TBL1X: variants seen among roughly 807,000 people sequenced by gnomAD.
The protein encoded by TBL1X is F-box-like/WD repeat-containing protein TBL1X.
TBL1X carries 10 observed loss-of-function variants against 50.7 expected under a neutral mutation model. That is an observed-to-expected ratio of 0.20 (90% CI 0.12 to 0.33). The LOEUF is 0.33. TBL1X is among the 10% of genes least tolerant of loss of function. The probability of loss-of-function intolerance (pLI) is 1.00; values close to 1 mark genes in which losing one functional copy is unlikely to be tolerated. For synonymous variants in TBL1X, 190 were observed against 214.7 expected (o/e 0.88, Z 1.01); for missense variants, 340 against 504.4 (o/e 0.67, Z 3.12).
intron 1 of TBL1X, among the ~76,000 whole-genome samples, chrX:9,467,885 A>C (rs771785768): frequency 8.9e-6 from 1 of 112,334 alleles, no homozygotes; most frequent in South Asian, 3.7e-4. Flanking sequence ...GAGACGTTTC[A>C]GATCTCCAGG....
At chrX:9,707,778 C>T (rs2083218307) in intron 13 of TBL1X, among the ~76,000 whole-genome samples, 1 of 112,035 alleles carries the variant, frequency 8.9e-6, no homozygotes, top group Non-Finnish European at 1.9e-5. Flanking sequence ...CCCTCAGCCC[C>T]CTCTCCAGTC....
At chrX:9,694,136 C>T (rs1204838137) in intron 11 of TBL1X, among the ~76,000 whole-genome samples, 1 of 108,840 alleles carries the variant, frequency 9.2e-6, no homozygotes, top group African/African-American at 3.4e-5. Flanking sequence ...TGGCTGGAGT[C>T]ATGAGCGGAG....
At chrX:9,596,358 G>A (rs962963171) in intron 2 of TBL1X, among the ~76,000 whole-genome samples, 13 of 112,199 alleles carry the variant, frequency 1.2e-4, no homozygotes, top group Middle Eastern at 9.3e-3. Flanking sequence ...TAGAAAACAA[G>A]GGGTCAGCAA....
intron 16 of TBL1X, 99 bp downstream of exon 16, chrX:9,711,875 T>C (rs969023263): frequency 1.0e-6 from 1 of 973,043 alleles, no homozygotes; most frequent in Non-Finnish European, 1.4e-6. Flanking sequence ...CGGAGGGAGT[T>C]GAGCAAGCTC....
intron 5 of TBL1X, among the ~76,000 whole-genome samples, chrX:9,657,634 C>A (rs904521401): frequency 3.6e-5 from 4 of 112,572 alleles, no homozygotes; most frequent in African/African-American, 1.3e-4. Flanking sequence ...TTTTAGCAAA[C>A]CACATATATT....
intron 2 of TBL1X, among the ~76,000 whole-genome samples, chrX:9,601,543 A>G (rs1430156950): frequency 9.0e-6 from 1 of 111,084 alleles, no homozygotes; most frequent in African/African-American, 3.3e-5. Context: ...CATAAGGCCT[A>G]GTGGTGTCTT....
At chrX:9,710,781 A>G (rs752029773) in intron 15 of TBL1X, among the ~76,000 whole-genome samples, 3 of 112,269 alleles carry the variant, frequency 2.7e-5, no homozygotes, top group African/African-American at 6.5e-5. Context: ...GGGTCTCCCT[A>G]TGTTACCCAG....
chrX:9,651,991 G>A (rs1034588096), intron 3 of TBL1X, among the ~76,000 whole-genome samples: 2 of 111,971 alleles, frequency 1.8e-5, no homozygotes, highest in Admixed American at 9.5e-5. Flanking sequence ...TGCGGGTCAC[G>A]GGTCCAGGCA....
intron 2 of TBL1X, among the ~76,000 whole-genome samples, chrX:9,613,169 A>G (rs1450643849): frequency 1.8e-5 from 2 of 111,688 alleles, no homozygotes; most frequent in African/African-American, 6.5e-5. Flanking sequence ...CCAGAAAAAA[A>G]TGCTATGGGT....
intron 5 of TBL1X, among the ~76,000 whole-genome samples, chrX:9,681,943 C>T (rs1249942777): frequency 1.8e-5 from 2 of 112,327 alleles, no homozygotes; most frequent in African/African-American, 6.5e-5. Context: ...CGTGAGTGGC[C>T]CCCATCAGCC....
chrX:9,626,221 A>G (rs998836885), intron 2 of TBL1X, among the ~76,000 whole-genome samples: 1 of 111,400 alleles, frequency 9.0e-6, no homozygotes, highest in African/African-American at 3.3e-5. Context: ...GAGATTCTGT[A>G]TGTTTTTTGA....
chrX:9,555,579 T>G (rs2082293202), intron 2 of TBL1X, among the ~76,000 whole-genome samples: 1 of 111,344 alleles, frequency 9.0e-6, no homozygotes, highest in Non-Finnish European at 1.9e-5. Context: ...AGTTGCTGAG[T>G]CATATGGCAA....
At chrX:9,581,705 T>C (rs947760372) in intron 2 of TBL1X, among the ~76,000 whole-genome samples, 2 of 112,201 alleles carry the variant, frequency 1.8e-5, no homozygotes, top group Admixed American at 1.9e-4. Context: ...AGAAGGTTTA[T>C]CTGCCAAAGA....
chrX:9,499,026 A>G (rs907077848), intron 1 of TBL1X, among the ~76,000 whole-genome samples: 1 of 111,804 alleles, frequency 8.9e-6, no homozygotes, highest in African/African-American at 3.3e-5. Context: ...TTCAGAGAGC[A>G]GTGCAGTGGC....
At chrX:9,559,084 C>T (rs2082313434) in intron 2 of TBL1X, among the ~76,000 whole-genome samples, 1 of 111,699 alleles carries the variant, frequency 9.0e-6, no homozygotes, top group African/African-American at 3.3e-5. Context: ...TGTTTAGATA[C>T]TGTGAATCCA....
At chrX:9,664,014 G>A (rs1288427259) in intron 5 of TBL1X, among the ~76,000 whole-genome samples, 1 of 111,334 alleles carries the variant, frequency 9.0e-6, no homozygotes, top group South Asian at 3.8e-4. Flanking sequence ...TAGATTATAC[G>A]TACACAACCA....
chrX:9,551,253 A>C (rs982008924), intron 2 of TBL1X, among the ~76,000 whole-genome samples: 4 of 109,221 alleles, frequency 3.7e-5, no homozygotes, highest in African/African-American at 1.3e-4. Context: ...CAGCATGGAG[A>C]GGGGGAGGTC....
At chrX:9,598,699 C>A (rs2082538127) in intron 2 of TBL1X, among the ~76,000 whole-genome samples, 1 of 111,602 alleles carries the variant, frequency 9.0e-6, no homozygotes, top group African/African-American at 3.3e-5. Context: ...TATTGTATCC[C>A]AGTTCTGGAG....
chrX:9,643,275 C>T (rs1002661044), intron 3 of TBL1X, among the ~76,000 whole-genome samples: 1 of 111,229 alleles, frequency 9.0e-6, no homozygotes, highest in Non-Finnish European at 1.9e-5. Flanking sequence ...AAATGTCCCG[C>T]AGTTCACAGG....
Sources: gnomAD v4.1 joint callset for allele counts (sites outside exome capture counted in the v4.1 genomes callset) on GRCh38, gnomAD v4.1.1 for gene constraint, MANE v1.5 for transcripts, NCBI Gene and HGNC (gene_info 2026-07-23, HGNC 2026-07-21) for gene names.